The following TSPOAP1 variants were observed in gnomAD, a reference collection of about 807,000 sequenced individuals.
TSPOAP1 encodes the protein peripheral-type benzodiazepine receptor-associated protein 1.
Under a neutral mutation model 197.0 loss-of-function variants are expected in TSPOAP1, and 87 were observed. That is an observed-to-expected ratio of 0.44 (90% CI 0.37 to 0.53). The LOEUF (loss-of-function observed/expected upper bound fraction) is 0.53, where lower values mean the gene tolerates loss of function less well. Ranked by LOEUF, TSPOAP1 falls within the 20% of genes least tolerant of loss-of-function variation. The pLI is 0.00. For synonymous variants in TSPOAP1, 913 were observed against 998.9 expected (o/e 0.91, Z 1.62); for missense variants, 2,174 against 2,411.3 (o/e 0.90, Z 2.06).
intron 1 of TSPOAP1, among the ~76,000 whole-genome samples, chr17:58,327,146 C>G (rs1971645747): frequency 6.6e-6 from 1 of 152,054 alleles, no homozygotes; most frequent in South Asian, 2.1e-4. Context: ...CAGGAGCCTG[C>G]TCACACCCAC....
At chr17:58,320,195 A>G in intron 11 of TSPOAP1, 66 bp from the exon 12 acceptor site, 1 of 1,593,106 alleles carries the variant, frequency 6.3e-7, no homozygotes, top group Non-Finnish European at 8.6e-7. Context: ...TAACCCAGAG[A>G]GGGAGGCGGA....
Position 58,311,670 on chromosome 17 carries a change from C to G in TSPOAP1, c.2982G>C (p.Gly994=), listed in dbSNP as rs1397092110. ...DVQIEPGPSP[G]ILIISWLPVT... is the part of the protein sequence containing the mutation. ...CTGGGAGCCAACTGATGATCAAGAT[C>G]CCAGGGGAGGGCCCAGGCTCGATCT... Residue 994 remains glycine, a synonymous_variant, in exon 18 of 32, where the codon GGG becomes GGC. Transcript: ENST00000343736. The G allele has an allele frequency of 6.2e-7, 1 of 1,609,432 alleles. No individual in the cohort carries two copies. Among genetic ancestry groups the G allele is most frequent in the Non-Finnish European group, 8.5e-7 (1 of 1,177,052 alleles).
In TSPOAP1 at chr17:58,312,169, C is replaced by A; in HGVS notation, c.2652G>T (p.Val884=). 1.2e-6 allele frequency: 2 copies of A among 1,613,030 alleles called. No individual in the cohort carries two copies. Among genetic ancestry groups the A allele is most frequent in the Non-Finnish European group, 1.7e-6 (2 of 1,179,974 alleles). The stretch of plus-strand genomic sequence containing the variant: ...ACCGATGGACCCGCAGCTGGCTGGG[C>A]ACCACTCCGGCCCGGGCACCCACCG... The part of the protein sequence containing the change: ...CLAVGARAGV[V]PSQLRVHRLT... Residue 884 remains valine (V), a synonymous_variant, in exon 17 of 32, where the codon GTG becomes GTT. Transcript: ENST00000343736.
Position 58,306,822 on chromosome 17 carries a change from T to G in TSPOAP1, c.5130A>C (p.Pro1710=). 6.2e-7 allele frequency: 1 copy of G among 1,613,770 alleles called. No individual in the cohort carries two copies. Among genetic ancestry groups the G allele is most frequent in the Middle Eastern group, 1.7e-4 (1 of 6,056 alleles). ...TACCTGAGCCCTCAAGGAGAATATCTGGGGACAAATAACCCCGCTGGAGCA... is the reference window on the plus strand; with the variant it reads ...TACCTGAGCCCTCAAGGAGAATATCGGGGGACAAATAACCCCGCTGGAGCA... The part of the protein sequence containing the change: ...QQLLQRGYLS[P]DILLEGSGNG... The change falls in exon 25 of 32, where the codon CCA becomes CCC. Residue 1710 remains proline (P), a synonymous_variant. Coordinates refer to ENST00000343736, the MANE Select transcript of TSPOAP1 (RefSeq NM_004758.4).
chr17:58,305,193 G>A, intron 29 of TSPOAP1, 22 bp from the exon 30 acceptor site: 1 of 1,581,246 alleles, frequency 6.3e-7, no homozygotes, highest in Non-Finnish European at 8.7e-7. Context: ...AGGCCGGTGA[G>A]ACTGAGATCA....
intron 7 of TSPOAP1, 74 bp from the exon 8 acceptor site, chr17:58,323,113 C>T: frequency 6.5e-7 from 1 of 1,533,440 alleles, no homozygotes; most frequent in Non-Finnish European, 8.9e-7. Context: ...GAGGACCCTG[C>T]CCTCCTCCCA....
chr17:58,313,779 C>G (rs1383871198), intron 16 of TSPOAP1, among the ~76,000 whole-genome samples: 1 of 152,070 alleles, frequency 6.6e-6, no homozygotes, highest in Non-Finnish European at 1.5e-5. Context: ...GAAGTAAGTG[C>G]TAGTGAAATA....
Position 58,322,446 on chromosome 17 carries a change from C to T in TSPOAP1, c.1318-34G>A, listed in dbSNP as rs1425709722. On this transcript the variant is annotated intron_variant, in intron 9 of 31. Transcript: ENST00000343736. This position sits in a 1 kb window ranked among gnomAD's most constrained non-coding sequence, Gnocchi z 5.0. ...CAAGATCTGAGTCAAGGCCAGAGCC[C>T]CTACTTGGCCATTTCTAGAGAAGAT... 1.3e-6 allele frequency: 2 copies of T among 1,598,040 alleles called. No homozygotes were observed. Among genetic ancestry groups the T allele is most frequent in the Non-Finnish European group, 1.7e-6 (2 of 1,176,070 alleles).
At position 58,316,502 on chromosome 17, in the gene TSPOAP1, G is replaced by A; in HGVS notation, c.1911C>T (p.Asp637=). Residue 637 remains aspartate, a synonymous_variant, in exon 15 of 32, where the codon GAC becomes GAT. Transcript: ENST00000343736. ...GCGCAGCTGGGAGCAGGGAGACACTGTCTGCCTCCAGCTCCTCTACCTCAC... is the reference window on the plus strand; with the variant it reads ...GCGCAGCTGGGAGCAGGGAGACACTATCTGCCTCCAGCTCCTCTACCTCAC... ...TASEVEELEA[D]SVSLLPAAPE... is the part of the protein sequence containing the mutation. 6.2e-7 allele frequency: 1 copy of A among 1,613,508 alleles called. No homozygotes were observed. The highest frequency in any genetic ancestry group is 8.5e-7 in the Non-Finnish European group (1 of 1,179,654).
In TSPOAP1 at chr17:58,309,349, C is replaced by A. The variant is rs750520257; in HGVS notation, c.3923G>T (p.Ser1308Ile). The A allele has an allele frequency of 6.2e-7, 1 of 1,612,766 alleles. No homozygotes were observed. Among genetic ancestry groups the A allele is most frequent in the South Asian group, 1.1e-5 (1 of 91,070 alleles). Residue 1308 changes from serine to isoleucine, a missense_variant, in exon 22 of 32, where the codon AGC becomes ATC. Ser to Ile is a moderately radical substitution (Grantham distance 142, BLOSUM62 -2). Transcript: ENST00000343736. The surrounding 1 kb of genome is among the most constrained non-coding windows in gnomAD (Gnocchi z 5.0). ...GATCTGCTCCAAGATCTCCTCATCG[C>A]TGTCAGTCTCACAAAAGGGGTCGGG... is the stretch of plus-strand genomic sequence containing the variant. ...SQPDPFCETD[S>I]DEEILEQILE...
chr17:58,312,286 C>T lies in TSPOAP1; in HGVS notation c.2535G>A (p.Leu845=). 6 of 1,612,812 alleles carry T rather than the reference C, an allele frequency of 3.7e-6. No homozygotes were observed. Among genetic ancestry groups the T allele is most frequent in the Non-Finnish European group, 5.1e-6 (6 of 1,179,808 alleles). Residue 845 remains leucine, a synonymous_variant, in exon 17 of 32, where the codon CTG becomes CTA. Coordinates refer to ENST00000343736, the MANE Select transcript of TSPOAP1 (RefSeq NM_004758.4). Reference sequence around the variant, plus strand: ...GCCCGGCCCACAGGTCCAGGTTCTCCAGCACGGCCTTGGGTGGCGCCCCAG... The same window carrying T: ...GCCCGGCCCACAGGTCCAGGTTCTCTAGCACGGCCTTGGGTGGCGCCCCAG... ...LGPGAPPKAV[L]ENLDLWAGPL... is the part of the protein sequence containing the mutation.
rs764301163 is a variant in TSPOAP1, at chr17:58,312,291, C to T, written c.2530G>A (p.Val844Met). 1.6e-5 allele frequency: 25 copies of T among 1,612,674 alleles called. 1 individual carries two copies. Among genetic ancestry groups the T allele is most frequent in the South Asian group, 1.3e-4 (12 of 91,066 alleles). Residue 844 changes from valine (V) to methionine (M), a missense_variant, in exon 17 of 32, where the codon GTG becomes ATG. This residue lies in a region of TSPOAP1 where 1,933 missense variants were observed against 2,139.0 expected (regional missense o/e 0.90). Coordinates refer to ENST00000343736, the MANE Select transcript of TSPOAP1 (RefSeq NM_004758.4). ...GCCCACAGGTCCAGGTTCTCCAGCA[C>T]GGCCTTGGGTGGCGCCCCAGGCCCC... ...ALGPGAPPKA[V>M]LENLDLWAGP...
chr17:58,312,578 C>T lies in TSPOAP1; in HGVS notation c.2243G>A (p.Gly748Asp), dbSNP rs1415028215. Reference sequence around the variant, plus strand: ...GCCCCCGCTACTGCTGCCACCCCCACCTACACTCAGGAAACTGAGTTCAGG... The same window carrying T: ...GCCCCCGCTACTGCTGCCACCCCCATCTACACTCAGGAAACTGAGTTCAGG... ...SGPELSFLSV[G>D]GGGSSSGGQS... is the part of the protein sequence containing the mutation. The change falls in exon 17 of 32, where the codon GGT becomes GAT. Residue 748 changes from glycine to aspartate, a missense_variant. Physicochemically the swap from Gly to Asp is moderately conservative, Grantham distance 94 (BLOSUM62 -1). Coordinates refer to ENST00000343736, the MANE Select transcript of TSPOAP1 (RefSeq NM_004758.4). 3 of 1,612,286 alleles carry T rather than the reference C, an allele frequency of 1.9e-6. No individual in the cohort carries two copies. Among genetic ancestry groups the T allele is most frequent in the Non-Finnish European group, 1.7e-6 (2 of 1,179,230 alleles).
rs1189729432 is a variant in TSPOAP1 at position 58,309,881 on chromosome 17, T to C, written c.3891+86A>G. 1.3e-6 allele frequency: 2 copies of C among 1,491,214 alleles called. No individual in the cohort carries two copies. Among genetic ancestry groups the C allele is most frequent in the Non-Finnish European group, 1.8e-6 (2 of 1,105,494 alleles). 92.4% of individuals were successfully genotyped at this position (1,491,214 alleles called of 1,614,324 possible). A position where few individuals can be genotyped will look rare whatever the true frequency, so the allele number is the denominator to read the frequency against. On this transcript the variant is annotated intron_variant, in intron 21 of 31. Transcript: ENST00000343736. The surrounding 1 kb of genome is among the most constrained non-coding windows in gnomAD (Gnocchi z 5.0). ...GACCTAGAATGTTTCTGGCACTCAG[T>C]GGTGGTCAGAGCACCTGCTGACACA...
Position 58,322,988 on chromosome 17 carries a change from TCTC to T in TSPOAP1, c.1153_1155del (p.Glu385del), listed in dbSNP as rs1268280038. Reference sequence around the variant, plus strand: ...GTGGCTCTCCCACTGAGCCGGGAGTTCTCCTCCACCAGGCGGGCATTCTCATTC... The same window carrying T: ...GTGGCTCTCCCACTGAGCCGGGAGTTCTCCACCAGGCGGGCATTCTCATTC... On this transcript the variant is annotated inframe_deletion, in exon 8 of 32. Coordinates refer to ENST00000343736, the MANE Select transcript of TSPOAP1 (RefSeq NM_004758.4). This position sits in a 1 kb window ranked among gnomAD's most constrained non-coding sequence, Gnocchi z 5.0. The T allele has an allele frequency of 2.5e-6, 4 of 1,611,750 alleles. No individual in the cohort carries two copies. Among genetic ancestry groups the T allele is most frequent in the Non-Finnish European group, 3.4e-6 (4 of 1,179,186 alleles).
Position 58,309,109 on chromosome 17 carries a change from C to T in TSPOAP1, c.4163G>A (p.Arg1388Lys). ...CATGTCTTCCAGGCAGTCTCCAGCC[C>T]TGGAGGACTCAGGAGACAAGGGACA... ...GQCPLSPESS[R>K]AGDCLEDMPG... The change falls in exon 22 of 32, where the codon AGG becomes AAG. Residue 1388 changes from arginine (R) to lysine (K), a missense_variant. Coordinates refer to ENST00000343736, the MANE Select transcript of TSPOAP1 (RefSeq NM_004758.4). This position sits in a 1 kb window ranked among gnomAD's most constrained non-coding sequence, Gnocchi z 5.0. The T allele has an allele frequency of 6.2e-7, 1 of 1,613,806 alleles. No homozygotes were observed. The highest frequency in any genetic ancestry group is 8.5e-7 in the Non-Finnish European group (1 of 1,180,036).
At position 58,320,526 on chromosome 17, in the gene TSPOAP1, C is replaced by T. The variant is rs1386020603; in HGVS notation, c.1473+5G>A. Reference sequence around the variant, plus strand: ...GGAACTGGGGGCCACTTCCAGGCGCCCTACCTCCAGCAGCTGCACGGCTCC... The same window carrying T: ...GGAACTGGGGGCCACTTCCAGGCGCTCTACCTCCAGCAGCTGCACGGCTCC... On this transcript the variant is annotated splice_donor_5th_base_variant and intron_variant, in intron 11 of 31. Transcript: ENST00000343736. 1 of 1,514,514 alleles carries T rather than the reference C, an allele frequency of 6.6e-7. No individual in the cohort carries two copies. The highest frequency in any genetic ancestry group is 2.2e-5 in the Admixed American group (1 of 45,052). 93.8% of individuals were successfully genotyped at this position (1,514,514 alleles called of 1,614,324 possible).
In TSPOAP1 at chr17:58,305,380, T is replaced by C; in HGVS notation, c.5433+7A>G. 2 of 1,613,874 alleles carry C rather than the reference T, an allele frequency of 1.2e-6. No individual in the cohort carries two copies. Among genetic ancestry groups the C allele is most frequent in the East Asian group, 2.2e-5 (1 of 44,876 alleles). ...ATATGGTACACCCTCCCCAACAATG[T>C]TCTCACATAGTAGAAACCGTCATCG... On this transcript the variant is annotated splice_region_variant and intron_variant, in intron 29 of 31. Transcript: ENST00000343736.
At chr17:58,327,470 G>A in intron 1 of TSPOAP1, 118 bp downstream of exon 1, 7 of 1,005,590 alleles carry the variant, frequency 7.0e-6, no homozygotes, top group Non-Finnish European at 8.9e-6. Flanking sequence ...CCACAGACAG[G>A]CCAAGAGAGG....
Sources: gnomAD v4.1 joint callset for allele counts (sites outside exome capture counted in the v4.1 genomes callset) on GRCh38, gnomAD v4.1.1 for gene constraint, gnomAD v4.1.1 regional missense constraint, Gnocchi (gnomAD v3.1) non-coding constraint, MANE v1.5 for transcripts, NCBI Gene and HGNC (gene_info 2026-07-23, HGNC 2026-07-21) for gene names.